COL6A2: variants seen among roughly 807,000 people sequenced by gnomAD.
COL6A2 encodes collagen alpha-2(VI) chain.
COL6A2 carries 90 observed loss-of-function variants against 124.9 expected under a neutral mutation model. That is an observed-to-expected ratio of 0.72 (90% CI 0.61 to 0.86). The LOEUF (loss-of-function observed/expected upper bound fraction) is 0.86. COL6A2 is among the 40% of genes least tolerant of loss of function. COL6A2 has a pLI of 0.00. For missense variants in COL6A2, 1,607 were observed against 1,502.5 expected, an observed-to-expected ratio of 1.07 and a Z score of -1.15; for synonymous variants, 793 against 618.2, an observed-to-expected ratio of 1.28 and a Z score of -4.19.
intron 6 of COL6A2, 21 bp downstream of exon 6, chr21:46,115,946 C>G: frequency 2.5e-6 from 4 of 1,612,626 alleles, no homozygotes; most frequent in Non-Finnish European, 3.4e-6. Context: ...TTGCCCCACG[C>G]CCGCCCCGCC....
chr21:46,129,526 C>T, intron 27 of COL6A2: 3 of 1,523,222 alleles, frequency 2.0e-6, no homozygotes, highest in Non-Finnish European at 2.6e-6. Context: ...CTGGGCCCTC[C>T]CTGCCACACT....
intron 27 of COL6A2, among the ~76,000 whole-genome samples, chr21:46,127,393 G>A (rs1438691329): frequency 6.6e-6 from 1 of 152,138 alleles, no homozygotes; most frequent in African/African-American, 2.4e-5. Context: ...ACATTCACAG[G>A]CCCTGAGGCT....
In COL6A2 at chr21:46,129,388, C is replaced by G. The variant is rs749887660; in HGVS notation, c.2462-2566C>G. On this transcript the variant is annotated intron_variant, in intron 27 of 27. Transcript: ENST00000300527. ...ACCGCCGAGCGGGCCAAGTTCGCCACCGGGGTAGAGCGGCAGGACTGGATG... is the reference window on the plus strand; with the variant it reads ...ACCGCCGAGCGGGCCAAGTTCGCCAGCGGGGTAGAGCGGCAGGACTGGATG... 2.2e-5 allele frequency: 35 copies of G among 1,612,898 alleles called. No homozygotes were observed. The highest frequency in any genetic ancestry group is 2.8e-5 in the Non-Finnish European group (33 of 1,179,930).
At chr21:46,112,782 A>G (rs1266225781) in intron 3 of COL6A2, 22 bp from the exon 4 acceptor site, 11 of 1,613,668 alleles carry the variant, frequency 6.8e-6, no homozygotes, top group Non-Finnish European at 9.3e-6. Context: ...ACGGCTAACC[A>G]GCATGTCTGT....
At chr21:46,117,632 TG>T (rs1412036282) in intron 11 of COL6A2, 179 bp downstream of exon 11, 3 of 760,060 alleles carry the variant, frequency 3.9e-6, no homozygotes, top group Non-Finnish European at 6.7e-6. Context: ...GAACTCCCCC[TG>T]GGAGCTCCTG....
chr21:46,108,107 T>TA (rs965969218), intron 1 of COL6A2, among the ~76,000 whole-genome samples: 163 of 82,604 alleles, frequency 2.0e-3, no homozygotes, highest in African/African-American at 7.8e-3. Flanking sequence ...TATATATATA[T>TA]TTTTTTTTCT....
chr21:46,132,780 C>T lies in COL6A2; in HGVS notation c.*228C>T, dbSNP rs914219799. ...GGCCTCCCTCCCCCTGCAGCCATCCCAAGGCTCCTGACCTACCTGGCCCCT... is the reference window on the plus strand; with the variant it reads ...GGCCTCCCTCCCCCTGCAGCCATCCTAAGGCTCCTGACCTACCTGGCCCCT... On this transcript the variant is annotated 3_prime_UTR_variant, in exon 28 of 28. Transcript: ENST00000300527. 3.4e-6 allele frequency: 2 copies of T among 590,682 alleles called. No homozygotes were observed. Among genetic ancestry groups the T allele is most frequent in the Non-Finnish European group, 6.0e-6 (2 of 331,114 alleles). 36.6% of individuals were successfully genotyped at this position (590,682 alleles called of 1,614,324 possible).
At chr21:46,128,086 T>G (rs2078701312) in intron 27 of COL6A2, among the ~76,000 whole-genome samples, 1 of 152,182 alleles carries the variant, frequency 6.6e-6, no homozygotes, top group Non-Finnish European at 1.5e-5. Flanking sequence ...GACGTGGGCC[T>G]CGTAGGGTCC....
intron 3 of COL6A2, 63 bp downstream of exon 3, chr21:46,112,640 C>A: frequency 1.1e-5 from 18 of 1,594,472 alleles, no homozygotes; most frequent in Non-Finnish European, 1.5e-5. Context: ...CGTCCACCCA[C>A]TCCGGGCCTC....
At chr21:46,121,361 C>T (rs557662897) in intron 17 of COL6A2, among the ~76,000 whole-genome samples, 195 bp from the exon 18 acceptor site, 1 of 152,318 alleles carries the variant, frequency 6.6e-6, no homozygotes, top group South Asian at 2.1e-4. Flanking sequence ...AGGCAGTGGG[C>T]CTGAGGTCCT....
At chr21:46,120,832 C>T (rs1386038075) in intron 16 of COL6A2, among the ~76,000 whole-genome samples, 1 of 152,104 alleles carries the variant, frequency 6.6e-6, no homozygotes, top group Non-Finnish European at 1.5e-5. Context: ...GGGCTGCAAC[C>T]CAAGATAGGG....
intron 5 of COL6A2, 64 bp from the exon 6 acceptor site, chr21:46,115,804 TGGCA>T: frequency 7.2e-7 from 1 of 1,395,800 alleles, no homozygotes; most frequent in Non-Finnish European, 1.0e-6. Flanking sequence ...AGAGGAGCTG[TGGCA>T]GGGTCCCCAG....
In COL6A2 at chr21:46,125,936, C is replaced by G. The variant is rs764727296; in HGVS notation, c.2121C>G (p.Leu707=). Residue 707 remains leucine (L), a synonymous_variant, in exon 26 of 28, where the codon CTC becomes CTG. Coordinates refer to ENST00000300527, the MANE Select transcript of COL6A2 (RefSeq NM_001849.4). The part of the protein sequence containing the change: ...IAGGTWTPSA[L]KFAYDRLIKE... ...GCGGCACCTGGACACCCTCAGCCCT[C>G]AAGTTTGCCTACGACCGCCTCATCA... 6.2e-7 allele frequency: 1 copy of G among 1,613,206 alleles called. No individual in the cohort carries two copies. Among genetic ancestry groups the G allele is most frequent in the Admixed American group, 1.7e-5 (1 of 60,022 alleles).
At chr21:46,119,240 C>T in intron 14 of COL6A2, 121 bp downstream of exon 14, 2 of 784,180 alleles carry the variant, frequency 2.6e-6, no homozygotes, top group Non-Finnish European at 4.3e-6. Context: ...CAAGGCACAG[C>T]CAGGCCCCCA....
At chr21:46,131,656 A>G (rs2078761185) in intron 27 of COL6A2, among the ~76,000 whole-genome samples, 5 of 152,060 alleles carry the variant, frequency 3.3e-5, no homozygotes, top group Admixed American at 3.3e-4. Flanking sequence ...CTTCCCTCCC[A>G]GGAGGGCAGC....
intron 27 of COL6A2, among the ~76,000 whole-genome samples, chr21:46,131,326 C>G (rs1056923422): frequency 4.6e-5 from 7 of 152,236 alleles, no homozygotes; most frequent in African/African-American, 1.7e-4. Flanking sequence ...GGCTGGTGAC[C>G]ACCCAGGCAG....
chr21:46,125,018 A>G (rs748692067), intron 23 of COL6A2, 98 bp downstream of exon 23: 20 of 1,457,696 alleles, frequency 1.4e-5, no homozygotes, highest in Non-Finnish European at 1.7e-5. Context: ...ACGGTCAGAG[A>G]GCAAGATCAG....
intron 4 of COL6A2, chr21:46,113,559 C>G (rs2078432998): frequency 4.7e-6 from 1 of 212,400 alleles, no homozygotes. Flanking sequence ...GTAGTTCCAG[C>G]TACTTGGGAG....
chr21:46,108,599 T>C (rs1195314152), intron 1 of COL6A2, among the ~76,000 whole-genome samples: 1 of 152,210 alleles, frequency 6.6e-6, no homozygotes, highest in Non-Finnish European at 1.5e-5. Flanking sequence ...TGTTGTTTCT[T>C]AGTTAGAAAT....
Sources: allele counts gnomAD v4.1 joint callset (sites outside exome capture counted in the v4.1 genomes callset), GRCh38; gene constraint gnomAD v4.1.1; transcripts MANE v1.5; gene names NCBI Gene and HGNC (gene_info 2026-07-23, HGNC 2026-07-21).